PLXND1: variants seen among roughly 807,000 people sequenced by gnomAD.
PLXND1 encodes the protein plexin D1, also known as plexin-D1.
A neutral mutation model predicts 197.7 loss-of-function variants in PLXND1; 54 were observed. That is an observed-to-expected ratio of 0.27 (90% CI 0.22 to 0.34). The LOEUF (loss-of-function observed/expected upper bound fraction) is 0.34, where lower values mean the gene tolerates loss of function less well. Among genes scored for constraint, PLXND1 ranks in the 10% least tolerant of loss-of-function variants. The pLI, the probability that PLXND1 is intolerant of heterozygous loss-of-function variation, is 1.00. For synonymous variants in PLXND1, 1,180 were observed against 1,161.2 expected (o/e 1.02, Z -0.33); for missense variants, 2,127 against 2,699.2 (o/e 0.79, Z 4.70).
At chr3:129,595,921 G>GCGCA (rs138452605) in intron 1 of PLXND1, among the ~76,000 whole-genome samples, 47 of 146,514 alleles carry the variant, frequency 3.2e-4, no homozygotes, top group African/African-American at 9.6e-4. Context: ...GTGCACGCAC[G>GCGCA]CACACACACA....
intron 1 of PLXND1, among the ~76,000 whole-genome samples, chr3:129,597,452 C>G (rs1463037364): frequency 1.3e-5 from 2 of 152,214 alleles, no homozygotes; most frequent in Non-Finnish European, 2.9e-5. Context: ...TTTCCTGGGC[C>G]TGGCCTCCAC....
At chr3:129,592,533 G>C (rs764049347) in intron 1 of PLXND1, among the ~76,000 whole-genome samples, 10 of 152,128 alleles carry the variant, frequency 6.6e-5, no homozygotes, top group Non-Finnish European at 1.3e-4. Context: ...CGGACCAGGC[G>C]CCCAGCTCGG....
chr3:129,565,811 G>A, intron 24 of PLXND1, 76 bp downstream of exon 24: 13 of 1,500,534 alleles, frequency 8.7e-6, no homozygotes, highest in Admixed American at 1.7e-5. Flanking sequence ...CAGAGCCCCA[G>A]GACCCAGGAC....
intron 25 of PLXND1, among the ~76,000 whole-genome samples, 155 bp from the exon 26 acceptor site, chr3:129,563,395 G>T (rs2108766902): frequency 6.6e-6 from 1 of 152,282 alleles, no homozygotes; most frequent in Middle Eastern, 3.4e-3. Flanking sequence ...TGTCTCCACG[G>T]ACCCTAAGCT....
intron 20 of PLXND1, among the ~76,000 whole-genome samples, chr3:129,568,480 A>G (rs1389445323): frequency 6.6e-6 from 1 of 152,216 alleles, no homozygotes; most frequent in Admixed American, 6.5e-5. Flanking sequence ...AAAATAAAAC[A>G]GCTTTATTGT....
intron 5 of PLXND1, 65 bp downstream of exon 5, chr3:129,585,887 T>A (rs1222627255): frequency 3.1e-6 from 5 of 1,603,164 alleles, no homozygotes; most frequent in Admixed American, 1.7e-5. Context: ...TCTCGGGGCC[T>A]GGGTGCTGGG....
At chr3:129,572,334 A>T (rs1053437079) in intron 15 of PLXND1, among the ~76,000 whole-genome samples, 7 of 152,154 alleles carry the variant, frequency 4.6e-5, no homozygotes, top group African/African-American at 1.7e-4. Context: ...CAGCCAGAAG[A>T]TCTGTGTGTG....
chr3:129,566,743 C>T (rs955411027), intron 22 of PLXND1, 112 bp from the exon 23 acceptor site: 15 of 632,464 alleles, frequency 2.4e-5, no homozygotes, highest in Admixed American at 1.4e-4. Flanking sequence ...GAAACTGGCA[C>T]GGAATTAGCT....
intron 1 of PLXND1, among the ~76,000 whole-genome samples, chr3:129,601,815 C>T (rs1001517882): frequency 6.6e-6 from 1 of 152,194 alleles, no homozygotes; most frequent in African/African-American, 2.4e-5. Flanking sequence ...GTCCAGAGCC[C>T]ACCTGCCACC....
chr3:129,563,971 C>T (rs2085100149), intron 25 of PLXND1, among the ~76,000 whole-genome samples: 1 of 152,266 alleles, frequency 6.6e-6, no homozygotes, highest in East Asian at 1.9e-4. Flanking sequence ...TTCTCCAGGT[C>T]TGGGGCGTGG....
At chr3:129,602,171 G>A (rs2085718017) in intron 1 of PLXND1, among the ~76,000 whole-genome samples, 1 of 152,180 alleles carries the variant, frequency 6.6e-6, no homozygotes, top group African/African-American at 2.4e-5. Context: ...TTCCCCTTCT[G>A]CAGCGGGGAG....
In PLXND1 at chr3:129,557,051, G is replaced by T; in HGVS notation, c.5586+32C>A. ...CGACCCCCGATCCCTCAGCTCTTCA[G>T]GCCCCCATCCCCCGCCGCCGAGCCA... On this transcript the variant is annotated intron_variant, in intron 34 of 35. Coordinates refer to ENST00000324093, the MANE Select transcript of PLXND1 (RefSeq NM_015103.3). The surrounding 1 kb of genome is among the most constrained non-coding windows in gnomAD (Gnocchi z 4.8). 6.2e-7 allele frequency: 1 copy of T among 1,610,068 alleles called. No homozygotes were observed.
chr3:129,581,464 AGAAATCCTCTCTCT>A lies in PLXND1; in HGVS notation c.2241+2089_2241+2102del, dbSNP rs71620057. ...CCCAGCACGAAGGTCCCCTCTCAAG[AGAAATCCTCTCTCT>A]GAAATCCTCTCTCTGAAATCCTCAC... On this transcript the variant is annotated intron_variant, in intron 8 of 35. Coordinates refer to ENST00000324093, the MANE Select transcript of PLXND1 (RefSeq NM_015103.3). 4.2e-3 allele frequency among the ~76,000 whole-genome samples: 634 copies of A among 152,286 alleles called. 4 individuals carry two copies. The highest frequency in any genetic ancestry group is 7.1e-3 in the Non-Finnish European group (486 of 68,020).
At position 129,605,332 on chromosome 3, in the gene PLXND1, G is replaced by A. The variant is rs1214467004; in HGVS notation, c.1308C>T (p.Ile436=). The change falls in exon 1 of 36, where the codon ATC becomes ATT. Residue 436 remains isoleucine, a synonymous_variant. Transcript: ENST00000324093. ...TGPACERKLN[I]QLQPEQLDCG... ...CGCCGCCACCGCCCGGGTGTACCTG[G>A]ATGTTGAGCTTGCGCTCACAGGCCG... 1 of 1,427,546 alleles carries A rather than the reference G, an allele frequency of 7.0e-7. No homozygotes were observed. The highest frequency in any genetic ancestry group is 1.5e-5 in the African/African-American group (1 of 66,980). The allele number at this position is 1,427,546 out of a possible 1,614,324, so 88.4% of individuals were successfully genotyped here. A position where few individuals can be genotyped will look rare whatever the true frequency, so the allele number is the denominator to read the frequency against.
intron 11 of PLXND1, among the ~76,000 whole-genome samples, chr3:129,574,922 A>T (rs953119935): frequency 2.0e-5 from 3 of 152,120 alleles, no homozygotes; most frequent in Admixed American, 6.5e-5. Flanking sequence ...GTGGACTATG[A>T]GTACTTTGGG....
chr3:129,560,697 A>T lies in PLXND1; in HGVS notation c.5020T>A (p.Phe1674Ile). Residue 1674 changes from phenylalanine (F) to isoleucine (I), a missense_variant, in exon 30 of 36, where the codon TTC (phenylalanine) becomes ATC (isoleucine). Phe to Ile is a conservative substitution (Grantham distance 21). Around this residue, in one of 6 missense-constraint regions of PLXND1, gnomAD observed 53 missense variants for 41.4 expected, o/e 1.28. Transcript: ENST00000324093. ...RVKDLDTEKY[F>I]HLVLPTDELA... ...CGAGGTTGGGCACTCACCAAATGGA[A>T]ATACTTCTCTGTGTCCAAGTCTTTC... 6.2e-7 allele frequency: 1 copy of T among 1,604,906 alleles called. No individual in the cohort carries two copies. Among genetic ancestry groups the T allele is most frequent in the South Asian group, 1.1e-5 (1 of 90,894 alleles).
chr3:129,566,603 A>C lies in PLXND1; in HGVS notation c.4115T>G (p.Val1372Gly). ...GGAGTTGAGGGTCTGGGAGGGCAGC[A>C]CGTAACGCTCTTCATAAAGGGAGGA... ...KCSSLYEERY[V>G]LPSQTLNSQG... Residue 1372 changes from valine to glycine, a missense_variant, in exon 23 of 36, where the codon GTG becomes GGG. By Grantham distance (109) the Val-to-Gly change is moderately radical (BLOSUM62 -3). Around this residue, in one of 6 missense-constraint regions of PLXND1, gnomAD observed 532 missense variants for 811.0 expected, o/e 0.66. Transcript: ENST00000324093. 1 of 1,611,386 alleles carries C rather than the reference A, an allele frequency of 6.2e-7. No individual in the cohort carries two copies.
Position 129,605,682 on chromosome 3 carries a change from G to A in PLXND1, c.958C>T (p.Arg320Cys), listed in dbSNP as rs1389207607. ...CCGGCGCCGTGGGGCAGGCAGATGCGCGCCAGCAGGCTCCGCGCCTGGCTC... is the reference window on the plus strand; with the variant it reads ...CCGGCGCCGTGGGGCAGGCAGATGCACGCCAGCAGGCTCCGCGCCTGGCTC... ...KESQARSLLA[R>C]ICLPHGAGGD... The change falls in exon 1 of 36, where the codon CGC becomes TGC. Residue 320 changes from arginine to cysteine, a missense_variant. By Grantham distance (180) the Arg-to-Cys change is radical (BLOSUM62 -3). Around this residue, in one of 6 missense-constraint regions of PLXND1, gnomAD observed 1,095 missense variants for 1,259.8 expected, o/e 0.87. Coordinates refer to ENST00000324093, the MANE Select transcript of PLXND1 (RefSeq NM_015103.3). 9 of 1,536,730 alleles carry A rather than the reference G, an allele frequency of 5.9e-6. No homozygotes were observed. Among genetic ancestry groups the A allele is most frequent in the Admixed American group, 2.0e-5 (1 of 50,296 alleles).
At chr3:129,570,575 G>C (rs2085208969) in intron 19 of PLXND1, 2 of 596,720 alleles carry the variant, frequency 3.4e-6, no homozygotes, top group East Asian at 2.8e-5. Flanking sequence ...GGTCCAGATG[G>C]GGCCCATCAC....
Sources: allele counts gnomAD v4.1 joint callset (sites outside exome capture counted in the v4.1 genomes callset), GRCh38; gene constraint gnomAD v4.1.1; regional missense constraint gnomAD v4.1.1; non-coding constraint Gnocchi (gnomAD v3.1); transcripts MANE v1.5; gene names NCBI Gene and HGNC (gene_info 2026-07-23, HGNC 2026-07-21).